Variants in BCKDHB observed in about 807,000 individuals in gnomAD.
BCKDHB encodes branched chain keto acid dehydrogenase E1 subunit beta.
Under a neutral mutation model 48.5 loss-of-function variants are expected in BCKDHB, and 41 were observed. The observed-to-expected ratio is 0.85, with a 90% CI of 0.66 to 1.10. BCKDHB has a LOEUF of 1.10. BCKDHB is among the 50% of genes least tolerant of loss of function. The pLI is 0.00. For missense variants in BCKDHB, 496 were observed against 494.2 expected (o/e 1.00, Z -0.03); for synonymous variants, 201 against 174.8 (o/e 1.15, Z -1.18).
the BCKDHB span, chr6:80,465,981 C>A: frequency 6.6e-6 from 1 of 152,122 alleles, no homozygotes. Context: ...TGGAAAGAAC[C>A]AGGAAGAACA....
At chr6:80,131,970 C>G (rs1477737984) in intron 3 of BCKDHB, among the ~76,000 whole-genome samples, 5 of 152,132 alleles carry the variant, frequency 3.3e-5, no homozygotes, top group Non-Finnish European at 7.4e-5. Flanking sequence ...ACTTAGGTAG[C>G]TACCTGACCT....
the BCKDHB span, among the ~76,000 whole-genome samples, chr6:80,369,962 T>G: frequency 6.6e-6 from 1 of 152,218 alleles, no homozygotes; most frequent in African/African-American, 2.4e-5. Flanking sequence ...AATTTTGAGT[T>G]TCTCTCTTAC....
intron 6 of BCKDHB, among the ~76,000 whole-genome samples, chr6:80,192,541 C>G (rs1462031251): frequency 6.6e-6 from 1 of 152,108 alleles, no homozygotes; most frequent in Non-Finnish European, 1.5e-5. Context: ...TTTTGCTACA[C>G]TATTAAATGC....
intron 6 of BCKDHB, among the ~76,000 whole-genome samples, chr6:80,184,021 T>C (rs574726332): frequency 6.6e-6 from 1 of 152,324 alleles, no homozygotes; most frequent in Non-Finnish European, 1.5e-5. Flanking sequence ...TTCTAAGTTT[T>C]GACAGTTATG....
chr6:80,283,501 G>C (rs1766470918), intron 9 of BCKDHB, among the ~76,000 whole-genome samples: 1 of 151,994 alleles, frequency 6.6e-6, no homozygotes, highest in Admixed American at 6.6e-5. Context: ...TGTCACCCCA[G>C]TAAGCTAAGG....
At chr6:80,281,027 C>CGT (rs70981415) in intron 9 of BCKDHB, among the ~76,000 whole-genome samples, 62,166 of 147,220 alleles carry the variant, frequency 0.42, 12,985 homozygotes, top group Non-Finnish European at 0.47. Context: ...CAGGTGTATG[C>CGT]GTGTGTGTGT....
the BCKDHB span, among the ~76,000 whole-genome samples, chr6:80,396,876 C>T: frequency 1.3e-5 from 2 of 152,176 alleles, no homozygotes; most frequent in Non-Finnish European, 2.9e-5. Flanking sequence ...TTAAATCACC[C>T]CGTCTTGGGT....
intron 8 of BCKDHB, among the ~76,000 whole-genome samples, chr6:80,220,556 T>G (rs972368373): frequency 6.6e-6 from 1 of 151,624 alleles, no homozygotes; most frequent in African/African-American, 2.4e-5. Context: ...TGCACATGGA[T>G]GAGACATTGC....
intron 1 of BCKDHB, among the ~76,000 whole-genome samples, chr6:80,115,251 G>A (rs1769626455): frequency 6.6e-6 from 1 of 152,064 alleles, no homozygotes; most frequent in Non-Finnish European, 1.5e-5. Context: ...GGGCTCAAGT[G>A]ATCCTCCTGC....
At chr6:80,115,648 T>G (rs1769654563) in intron 1 of BCKDHB, among the ~76,000 whole-genome samples, 2 of 151,792 alleles carry the variant, frequency 1.3e-5, no homozygotes, top group Admixed American at 1.3e-4. Flanking sequence ...TTTCTTTTTT[T>G]TTTTTTGAGA....
the BCKDHB span, among the ~76,000 whole-genome samples, chr6:80,388,779 C>T: frequency 5.6e-4 from 86 of 152,264 alleles, 1 homozygote; most frequent in East Asian, 0.013. Context: ...TGATTCTGCA[C>T]GATATGCAGG....
chr6:80,144,218 C>A (rs1297589684), intron 3 of BCKDHB, among the ~76,000 whole-genome samples: 1 of 152,108 alleles, frequency 6.6e-6, no homozygotes, highest in African/African-American at 2.4e-5. Context: ...CTAAATTAAG[C>A]ATTGATAGGA....
chr6:80,118,868 C>T (rs780523969), intron 1 of BCKDHB, among the ~76,000 whole-genome samples: 61 of 152,310 alleles, frequency 4.0e-4, no homozygotes, highest in Admixed American at 1.4e-3. Context: ...AGAGCAACTC[C>T]TCATCCATTG....
intron 8 of BCKDHB, among the ~76,000 whole-genome samples, chr6:80,248,761 A>G (rs2127930542): frequency 6.6e-6 from 1 of 152,290 alleles, no homozygotes; most frequent in East Asian, 1.9e-4. Flanking sequence ...AGATCTAGGT[A>G]TCATTAGTAT....
At chr6:80,378,453 GTA>G in the BCKDHB span, among the ~76,000 whole-genome samples, 4 of 151,996 alleles carry the variant, frequency 2.6e-5, no homozygotes, top group Admixed American at 2.0e-4. Flanking sequence ...CTGTGTGTGT[GTA>G]TGTGTGTGTG....
chr6:80,178,276 T>G (rs1266687026), intron 6 of BCKDHB, among the ~76,000 whole-genome samples: 1 of 152,222 alleles, frequency 6.6e-6, no homozygotes, highest in Non-Finnish European at 1.5e-5. Context: ...TTAGTAAGCT[T>G]CTTTCACATC....
At chr6:80,378,568 T>A in the BCKDHB span, among the ~76,000 whole-genome samples, 1 of 152,134 alleles carries the variant, frequency 6.6e-6, no homozygotes, top group Non-Finnish European at 1.5e-5. Flanking sequence ...TTCCATGACT[T>A]TGCTATTGTG....
chr6:80,360,146 ATACTT>A, the BCKDHB span, among the ~76,000 whole-genome samples: 2,513 of 152,316 alleles, frequency 0.016, 59 homozygotes, highest in African/African-American at 0.057. Flanking sequence ...CAAGTGAACA[ATACTT>A]TATTTCCTCA....
intron 6 of BCKDHB, among the ~76,000 whole-genome samples, chr6:80,188,506 G>A (rs2127801791): frequency 6.6e-6 from 1 of 152,178 alleles, no homozygotes; most frequent in Non-Finnish European, 1.5e-5. Context: ...AGGTGTGGTG[G>A]TGTACTCCCA....
Sources: gnomAD v4.1 joint callset for allele counts (sites outside exome capture counted in the v4.1 genomes callset) on GRCh38, gnomAD v4.1.1 for gene constraint, MANE v1.5 for transcripts, NCBI Gene and HGNC (gene_info 2026-07-23, HGNC 2026-07-21) for gene names.